The following FLT4 variants were observed in gnomAD, a reference collection of about 807,000 sequenced individuals.
FLT4 encodes fms related receptor tyrosine kinase 4, also known as vascular endothelial growth factor receptor 3.
A neutral mutation model predicts 163.2 loss-of-function variants in FLT4; 30 were observed. That is an observed-to-expected ratio of 0.18 (90% CI 0.14 to 0.25). The LOEUF is 0.25. Among genes scored for constraint, FLT4 ranks in the 10% least tolerant of loss-of-function variants. The pLI is 1.00. For synonymous variants in FLT4, 884 were observed against 789.5 expected, an observed-to-expected ratio of 1.12 and a Z score of -2.01; for missense variants, 1,510 against 1,863.8, an observed-to-expected ratio of 0.81 and a Z score of 3.50.
intron 29 of FLT4, chr5:180,608,387 A>G (rs1025434230): frequency 1.9e-5 from 13 of 697,924 alleles, no homozygotes; most frequent in Non-Finnish European, 2.4e-5. Flanking sequence ...CTTGCATGCA[A>G]TAAATATCAG....
chr5:180,608,111 G>A (rs1761901944), intron 29 of FLT4: 1 of 700,298 alleles, frequency 1.4e-6, no homozygotes, highest in Non-Finnish European at 2.6e-6. Flanking sequence ...GTGCTTCAGT[G>A]GTCACACTCC....
intron 1 of FLT4, among the ~76,000 whole-genome samples, chr5:180,638,309 C>T (rs143539177): frequency 1.4e-4 from 21 of 152,312 alleles, no homozygotes; most frequent in African/African-American, 4.6e-4. Flanking sequence ...CCAGCCCCAC[C>T]AAAGGCTCCT....
At position 180,611,625 on chromosome 5, in the gene FLT4, T is replaced by C. The variant is rs372392114; in HGVS notation, c.3538-146A>G. ...CCGCACTCAGCTCTCGCCCCCGCCCTCGCCCTGCCCTCAGCCCTCGCTCTG... is the reference window on the plus strand; with the variant it reads ...CCGCACTCAGCTCTCGCCCCCGCCCCCGCCCTGCCCTCAGCCCTCGCTCTG... On this transcript the variant is annotated intron_variant, in intron 26 of 29. Coordinates refer to ENST00000261937, the MANE Select transcript of FLT4 (RefSeq NM_182925.5). 28 of 806,598 alleles carry C rather than the reference T, an allele frequency of 3.5e-5. No individual in the cohort carries two copies. The East Asian group carries it at 5.0e-4, about 15-fold the overall frequency. The allele number at this position is 806,598 out of a possible 1,614,324, so 50.0% of individuals were successfully genotyped here.
At chr5:180,650,168 C>A (rs1765669529), upstream of FLT4, among the ~76,000 whole-genome samples, 2 of 60,964 alleles carry the variant, frequency 3.3e-5, no homozygotes, top group Admixed American at 3.8e-4. Flanking sequence ...AGTCTGGGAG[C>A]CAAAAAAAAA....
At chr5:180,642,325 T>C in intron 1 of FLT4, among the ~76,000 whole-genome samples, 1 of 152,082 alleles carries the variant, frequency 6.6e-6, no homozygotes, top group East Asian at 1.9e-4. Context: ...CCCTGTGTTG[T>C]CGTCAGAGCA....
chr5:180,605,805 C>T (rs1177943664), intron 29 of FLT4, among the ~76,000 whole-genome samples: 3 of 152,212 alleles, frequency 2.0e-5, no homozygotes, highest in Non-Finnish European at 2.9e-5. Flanking sequence ...AGCCCAGTTT[C>T]CTGATCTCCT....
rs1386941595 is a variant in FLT4 at position 180,620,564 on chromosome 5, G to A, written c.2406+45C>T. ...TTATCTTAGGGGCGGCCAGGGTGGGGAAGGCCTGAGAGAGACTCCATCAGG... is the reference window on the plus strand; with the variant it reads ...TTATCTTAGGGGCGGCCAGGGTGGGAAAGGCCTGAGAGAGACTCCATCAGG... On this transcript the variant is annotated intron_variant, in intron 16 of 29. Coordinates refer to ENST00000261937, the MANE Select transcript of FLT4 (RefSeq NM_182925.5). This position sits in a 1 kb window ranked among gnomAD's most constrained non-coding sequence, Gnocchi z 4.4. 2.1e-6 allele frequency: 3 copies of A among 1,452,854 alleles called. No individual in the cohort carries two copies. The highest frequency in any genetic ancestry group is 2.3e-5 in the East Asian group (1 of 43,984). 90.0% of individuals were successfully genotyped at this position (1,452,854 alleles called of 1,614,324 possible). A position where few individuals can be genotyped will look rare whatever the true frequency, so the allele number is the denominator to read the frequency against.
In FLT4 at chr5:180,630,576, T is replaced by C; in HGVS notation, c.379A>G (p.Ser127Gly). The change falls in exon 3 of 30, where the codon AGC (serine) becomes GGC (glycine). Residue 127 changes from serine (S) to glycine (G), a missense_variant. Transcript: ENST00000261937. This position sits in a 1 kb window ranked among gnomAD's most constrained non-coding sequence, Gnocchi z 6.3. ...KARIEGTTAA[S>G]SYVFVRDFEQ... ...TCACCTCTCACGAACACGTAGGAGC[T>C]GGCGGCCGTGGTGCCCTCGATGCGT... 1 of 1,612,954 alleles carries C rather than the reference T, an allele frequency of 6.2e-7. No individual in the cohort carries two copies. The highest frequency in any genetic ancestry group is 1.1e-5 in the South Asian group (1 of 91,086).
intron 8 of FLT4, 97 bp from the exon 9 acceptor site, chr5:180,626,362 G>A: frequency 7.1e-7 from 1 of 1,400,922 alleles, no homozygotes. Context: ...GAGGAGGGAG[G>A]GGCTGGCAGG....
intron 23 of FLT4, among the ~76,000 whole-genome samples, chr5:180,614,509 G>C (rs1166624984): frequency 1.3e-5 from 2 of 152,008 alleles, no homozygotes; most frequent in Admixed American, 1.3e-4. Flanking sequence ...GCCTCCTGAT[G>C]AAACGCACCC....
chr5:180,649,382 C>T, intron 1 of FLT4, 106 bp downstream of exon 1: 1 of 833,094 alleles, frequency 1.2e-6, no homozygotes, highest in Non-Finnish European at 1.7e-6. Context: ...CCACCGTGTC[C>T]CCCGCCCGTA....
intron 10 of FLT4, 26 bp downstream of exon 10, chr5:180,625,843 G>T: frequency 3.3e-6 from 5 of 1,522,750 alleles, no homozygotes; most frequent in Non-Finnish European, 4.3e-6. Flanking sequence ...GCTGTGCAGG[G>T]GACCTGAGGC....
chr5:180,637,330 GAAAAA>G (rs375090031), intron 1 of FLT4, among the ~76,000 whole-genome samples: 11 of 118,810 alleles, frequency 9.3e-5, no homozygotes, highest in Non-Finnish European at 1.7e-4. Flanking sequence ...TCCGTCTCAG[GAAAAA>G]AAAAAAAAAA....
rs912104727 is a variant in FLT4 at position 180,626,093 on chromosome 5, C to T, written c.1258+18G>A. 6.2e-7 allele frequency: 1 copy of T among 1,612,804 alleles called. No individual in the cohort carries two copies. The highest frequency in any genetic ancestry group is 8.5e-7 in the Non-Finnish European group (1 of 1,180,000). On this transcript the variant is annotated intron_variant, in intron 9 of 29. Coordinates refer to ENST00000261937, the MANE Select transcript of FLT4 (RefSeq NM_182925.5). ...ATGCCAGGCCGCCCACCCGTGCGCT[C>T]TCCCGTCCCTGACCTACCATTCACC...
chr5:180,650,281 A>G (rs1252328560), upstream of FLT4, among the ~76,000 whole-genome samples: 2 of 151,746 alleles, frequency 1.3e-5, no homozygotes, highest in East Asian at 3.9e-4. Context: ...ACCCGGGATG[A>G]CCGACCCCCT....
chr5:180,606,449 C>CT (rs1262104870), intron 29 of FLT4, among the ~76,000 whole-genome samples: 3 of 152,214 alleles, frequency 2.0e-5, no homozygotes, highest in Non-Finnish European at 4.4e-5. Context: ...ACGGCCCTAT[C>CT]TGACTCTCCC....
At chr5:180,619,174 G>T in intron 19 of FLT4, 65 bp from the exon 20 acceptor site, 2 of 1,302,730 alleles carry the variant, frequency 1.5e-6, no homozygotes, top group Non-Finnish European at 2.0e-6. Context: ...CGCGCTCCGC[G>T]TTTGCACCCG....
Position 180,626,399 on chromosome 5 carries a change from G to A in FLT4, c.1104-134C>T, listed in dbSNP as rs1763616379. 2.0e-5 allele frequency: 19 copies of A among 926,934 alleles called. No individual in the cohort carries two copies. In the South Asian group the frequency reaches 2.3e-4, roughly 11 times the overall value. 57.4% of individuals were successfully genotyped at this position (926,934 alleles called of 1,614,324 possible). On this transcript the variant is annotated intron_variant, in intron 8 of 29. Transcript: ENST00000261937. Reference sequence around the variant, plus strand: ...GTGCAGGGTAGGACGGGGAACACTGGTCTGCGAGGGGATGGTCTAAGTCCC... The same window carrying A: ...GTGCAGGGTAGGACGGGGAACACTGATCTGCGAGGGGATGGTCTAAGTCCC...
In FLT4 at chr5:180,626,172, G is replaced by C. The variant is rs769539257; in HGVS notation, c.1197C>G (p.Leu399=). The change falls in exon 9 of 30, where the codon CTC becomes CTG. Residue 399 remains leucine, a synonymous_variant. Transcript: ENST00000261937. ...VTEASTGTYT[L]ALWNSAAGLR... ...GGCCAGCAGCGGAGTTCCACAGGGC[G>C]AGGGTGTAGGTGCCTGTGCTGGCCT... 1.2e-6 allele frequency: 2 copies of C among 1,612,754 alleles called. No homozygotes were observed. The highest frequency in any genetic ancestry group is 1.7e-6 in the Non-Finnish European group (2 of 1,180,014).
Sources: gnomAD v4.1 joint callset for allele counts (sites outside exome capture counted in the v4.1 genomes callset) on GRCh38, gnomAD v4.1.1 for gene constraint, Gnocchi (gnomAD v3.1) non-coding constraint, MANE v1.5 for transcripts, NCBI Gene and HGNC (gene_info 2026-07-23, HGNC 2026-07-21) for gene names.